Variants in MST1R observed in about 807,000 individuals in gnomAD.
The protein encoded by MST1R is macrophage stimulating 1 receptor, also known as macrophage-stimulating protein receptor.
In MST1R, 99 loss-of-function variants were observed where a neutral mutation model predicts 117.8. That is an observed-to-expected ratio of 0.84 (90% CI 0.71 to 0.99). The LOEUF is 0.99. Among genes scored for constraint, MST1R ranks in the 50% least tolerant of loss-of-function variants. MST1R has a pLI of 0.00. For synonymous variants in MST1R, 734 were observed against 765.3 expected (o/e 0.96, Z 0.68); for missense variants, 1,683 against 1,840.2 (o/e 0.91, Z 1.56).
rs200821496 is a variant in MST1R at position 49,898,679 on chromosome 3, C to T, written c.1558G>A (p.Val520Ile). 3 of 1,614,020 alleles carry T rather than the reference C, an allele frequency of 1.9e-6. No individual in the cohort carries two copies. Among genetic ancestry groups the T allele is most frequent in the Non-Finnish European group, 2.5e-6 (3 of 1,179,974 alleles). ...LFASGDQVFQVPIQGPGCRHF... is the reference protein window; with the variant it reads ...LFASGDQVFQIPIQGPGCRHF... Reference sequence around the variant, plus strand: ...CGGCAGCCAGGGCCTTGGATAGGTACCTGGAAAACCTGTGGGTGAAAGACA... The same window carrying T: ...CGGCAGCCAGGGCCTTGGATAGGTATCTGGAAAACCTGTGGGTGAAAGACA... Residue 520 changes from valine (V) to isoleucine (I), a missense_variant, in exon 4 of 20, where the codon GTA becomes ATA. Coordinates refer to ENST00000296474, the MANE Select transcript of MST1R (RefSeq NM_002447.4).
chr3:49,896,740 G>A lies in MST1R; in HGVS notation c.2334C>T (p.Asn778=). The A allele has an allele frequency of 1.3e-6, 2 of 1,594,232 alleles. No individual in the cohort carries two copies. Among genetic ancestry groups the A allele is most frequent in the Non-Finnish European group, 8.6e-7 (1 of 1,169,322 alleles). The change falls in exon 8 of 20, where the codon AAC becomes AAT. Residue 778 remains asparagine, a synonymous_variant. Coordinates refer to ENST00000296474, the MANE Select transcript of MST1R (RefSeq NM_002447.4). ...EDPVVLSISP[N]CGYINSHITI... is the part of the protein sequence containing the mutation. ...GAGGCAGTGCTTACATGTAGCCACA[G>A]TTGGGGCTGATGCTTAGCACGACAG...
intron 4 of MST1R, 133 bp from the exon 5 acceptor site, chr3:49,898,344 C>T (rs1342298310): frequency 1.4e-6 from 2 of 1,393,614 alleles, no homozygotes; most frequent in Non-Finnish European, 2.0e-6. Context: ...TGCATTCAAG[C>T]ACTTTCCTGC....
intron 17 of MST1R, among the ~76,000 whole-genome samples, 200 bp from the exon 18 acceptor site, chr3:49,890,850 T>C (rs1269016353): frequency 2.6e-5 from 4 of 152,126 alleles, no homozygotes; most frequent in Non-Finnish European, 4.4e-5. Context: ...CTCAGCCTCC[T>C]GAGTAGCTGG....
chr3:49,893,908 A>AT (rs2082388781), intron 14 of MST1R, among the ~76,000 whole-genome samples: 1 of 146,082 alleles, frequency 6.8e-6, no homozygotes, highest in South Asian at 2.1e-4. Flanking sequence ...CAAAAAAAAA[A>AT]AAAAAATAAA....
chr3:49,891,338 C>G (rs1237057023), intron 16 of MST1R, 32 bp from the exon 17 acceptor site: 1 of 1,613,396 alleles, frequency 6.2e-7, no homozygotes, highest in Non-Finnish European at 8.5e-7. Flanking sequence ...TGGGCAAGGG[C>G]ACAGCAGCTC....
intron 1 of MST1R, among the ~76,000 whole-genome samples, chr3:49,901,169 C>G (rs751263515): frequency 1.3e-5 from 2 of 152,216 alleles, no homozygotes; most frequent in African/African-American, 2.4e-5. Flanking sequence ...GTCCCCAACC[C>G]TAGGGCCTCT....
Position 49,899,560 on chromosome 3 carries a change from CTTTTTTTTTTTTTTT to C in MST1R, c.1231-312_1231-298del, listed in dbSNP as rs66742220. ...CCATCCTCACAACCACCCCGTACAT[CTTTTTTTTTTTTTTT>C]TTTTTTTTTTTTTTTTTTGAGACGG... On this transcript the variant is annotated intron_variant, in intron 1 of 19. Coordinates refer to ENST00000296474, the MANE Select transcript of MST1R (RefSeq NM_002447.4). 1.2e-3 allele frequency: 81 copies of C among 66,402 alleles called. 2 individuals are homozygous for C. Among genetic ancestry groups the C allele is most frequent in the East Asian group, 5.8e-3 (10 of 1,738 alleles). The allele number at this position is 66,402 out of a possible 1,614,324, so 4.1% of individuals were successfully genotyped here.
rs1321262917 is a variant in MST1R, at chr3:49,898,680, C to G, written c.1557G>C (p.Gln519His). 6 of 1,613,832 alleles carry G rather than the reference C, an allele frequency of 3.7e-6. No homozygotes were observed. The East Asian group carries it at 1.3e-4, about 36-fold the overall frequency. ...GGCAGCCAGGGCCTTGGATAGGTAC[C>G]TGGAAAACCTGTGGGTGAAAGACAG... ...LLFASGDQVFQVPIQGPGCRH... is the reference protein window; with the variant it reads ...LLFASGDQVFHVPIQGPGCRH... The change falls in exon 4 of 20, where the codon CAG becomes CAC. Residue 519 changes from glutamine (Q) to histidine (H), a missense_variant. Physicochemically the swap from Gln to His is conservative, Grantham distance 24. Coordinates refer to ENST00000296474, the MANE Select transcript of MST1R (RefSeq NM_002447.4).
rs370676033 is a variant in MST1R, at chr3:49,897,598, G to A, written c.1968C>T (p.Ser656=). The stretch of plus-strand genomic sequence containing the variant: ...CCGGTGGCATGTTAGTCACGGTGAG[G>A]CTGACGTTGGTAGGCCCCACTGCCT... ...GTQAVGPTNV[S]LTVTNMPPGK... is the part of the protein sequence containing the mutation. The change falls in exon 6 of 20, where the codon AGC becomes AGT. Residue 656 remains serine (S), a synonymous_variant. Transcript: ENST00000296474. 6 of 1,614,038 alleles carry A rather than the reference G, an allele frequency of 3.7e-6. No homozygotes were observed. Among genetic ancestry groups the A allele is most frequent in the Non-Finnish European group, 5.1e-6 (6 of 1,180,052 alleles).
chr3:49,897,378 TG>T lies in MST1R; in HGVS notation c.2084del (p.Pro695HisfsTer17), dbSNP rs2108455721. ...VLIAVQPLFG[P>X]RAGGTCLTLE... ...GAGTGAGACAGGTGCCTCCTGCCCGTGGGCCAAAGAGGGGTTGCACTGCTAT... is the reference window on the plus strand; with the variant it reads ...GAGTGAGACAGGTGCCTCCTGCCCGTGGCCAAAGAGGGGTTGCACTGCTAT... On this transcript the variant is annotated frameshift_variant, in exon 7 of 20. Coordinates refer to ENST00000296474, the MANE Select transcript of MST1R (RefSeq NM_002447.4). LOFTEE classifies it high-confidence loss of function. 1 of 1,613,930 alleles carries T rather than the reference TG, an allele frequency of 6.2e-7. No individual in the cohort carries two copies. The highest frequency in any genetic ancestry group is 8.5e-7 in the Non-Finnish European group (1 of 1,179,954).
rs1250580860 is a variant in MST1R, at chr3:49,896,778, A to C, written c.2296T>G (p.Tyr766Asp). 1.3e-6 allele frequency: 2 copies of C among 1,572,472 alleles called. No homozygotes were observed. Among genetic ancestry groups the C allele is most frequent in the Non-Finnish European group, 1.7e-6 (2 of 1,157,536 alleles). The change falls in exon 8 of 20, where the codon TAC becomes GAC. Residue 766 changes from tyrosine (Y) to aspartate (D), a missense_variant. Physicochemically the swap from Tyr to Asp is radical, Grantham distance 160 (BLOSUM62 -3). Coordinates refer to ENST00000296474, the MANE Select transcript of MST1R (RefSeq NM_002447.4). ...AQVPGSWTFQ[Y>D]REDPVVLSIS... Reference sequence around the variant, plus strand: ...CTTAGCACGACAGGGTCTTCTCTGTACTGGAAGGTCCAGGAACCAGGTACC... The same window carrying C: ...CTTAGCACGACAGGGTCTTCTCTGTCCTGGAAGGTCCAGGAACCAGGTACC...
At chr3:49,901,920 T>C (rs2082689659) in intron 1 of MST1R, among the ~76,000 whole-genome samples, 1 of 59,742 alleles carries the variant, frequency 1.7e-5, no homozygotes, top group Non-Finnish European at 3.2e-5. Context: ...TGTGTATTTG[T>C]GCGTGGTGGT....
At chr3:49,894,772 T>C (rs2082413995) in intron 14 of MST1R, among the ~76,000 whole-genome samples, 1 of 151,598 alleles carries the variant, frequency 6.6e-6, no homozygotes, top group Non-Finnish European at 1.5e-5. Context: ...GTGAGAAGGT[T>C]AGAGCAGTAT....
intron 14 of MST1R, among the ~76,000 whole-genome samples, chr3:49,894,560 CCT>C (rs1052643548): frequency 1.3e-5 from 2 of 151,990 alleles, no homozygotes; most frequent in African/African-American, 4.8e-5. Flanking sequence ...AGAGTGAGAC[CCT>C]GTCACAAAAA....
chr3:49,889,781 G>T, intron 19 of MST1R, 143 bp downstream of exon 19: 1 of 991,318 alleles, frequency 1.0e-6, no homozygotes, highest in Non-Finnish European at 1.5e-6. Flanking sequence ...CCAGTTCACA[G>T]ATGAGGAAAT....
At chr3:49,890,677 T>A (rs781122368) in intron 17 of MST1R, 27 bp from the exon 18 acceptor site, 11 of 1,591,206 alleles carry the variant, frequency 6.9e-6, no homozygotes, top group Non-Finnish European at 6.9e-6. Context: ...GGATCACACT[T>A]AGGACTGGCC....
chr3:49,901,941 GC>G (rs2082691175), intron 1 of MST1R, among the ~76,000 whole-genome samples: 1 of 149,908 alleles, frequency 6.7e-6, no homozygotes, highest in East Asian at 2.0e-4. Flanking sequence ...GGTGGTGGTG[GC>G]GGGGGTGGGG....
chr3:49,895,722 C>A lies in MST1R; in HGVS notation c.2955G>T (p.Lys985Asn). Residue 985 changes from lysine to asparagine, a missense_variant, in exon 12 of 20, where the codon AAG becomes AAT. Lys to Asn is a moderately conservative substitution (Grantham distance 94). Coordinates refer to ENST00000296474, the MANE Select transcript of MST1R (RefSeq NM_002447.4). Reference protein sequence around the residue: ...ALVFSYWWRRKQLVLPPNLND... With the variant: ...ALVFSYWWRRNQLVLPPNLND... Reference sequence around the variant, plus strand: ...TAGGAGCAGAGAACTCACCTAGCTGCTTCCTCCGCCACCAGTAGCTGAAGA... The same window carrying A: ...TAGGAGCAGAGAACTCACCTAGCTGATTCCTCCGCCACCAGTAGCTGAAGA... 1 of 1,612,282 alleles carries A rather than the reference C, an allele frequency of 6.2e-7. No homozygotes were observed. The highest frequency in any genetic ancestry group is 8.5e-7 in the Non-Finnish European group (1 of 1,179,982).
chr3:49,891,320 T>TG lies in MST1R; in HGVS notation c.3535-15dup. On this transcript the variant is annotated splice_polypyrimidine_tract_variant and intron_variant, in intron 16 of 19. Coordinates refer to ENST00000296474, the MANE Select transcript of MST1R (RefSeq NM_002447.4). ...CACGGTGGGGTTCTGGGGGCACAGG[T>TG]GGGTTGGTGGGCAAGGGCACAGCAG... 1 of 1,614,008 alleles carries TG rather than the reference T, an allele frequency of 6.2e-7. No individual in the cohort carries two copies.
Sources: allele counts gnomAD v4.1 joint callset (sites outside exome capture counted in the v4.1 genomes callset), GRCh38; gene constraint gnomAD v4.1.1; transcripts MANE v1.5; gene names NCBI Gene and HGNC (gene_info 2026-07-23, HGNC 2026-07-21).